ZNF33A: variants seen among roughly 807,000 people sequenced by gnomAD.
ZNF33A encodes the protein zinc finger protein 33A, also known as brain my041 protein.
A neutral mutation model predicts 15.9 loss-of-function variants in ZNF33A; 9 were observed. The ratio of observed to expected loss-of-function variants is 0.57; its 90% CI spans 0.34 to 0.99. The LOEUF (loss-of-function observed/expected upper bound fraction) is 0.99. ZNF33A is among the 50% of genes least tolerant of loss of function. The pLI, the probability that ZNF33A is intolerant of heterozygous loss-of-function variation, is 0.02. For synonymous variants in ZNF33A, 294 were observed against 324.2 expected (o/e 0.91, Z 1.00); for missense variants, 843 against 941.6 (o/e 0.90, Z 1.37).
At chr10:38,016,286 A>G (rs1412764875) in intron 2 of ZNF33A, among the ~76,000 whole-genome samples, 1 of 152,204 alleles carries the variant, frequency 6.6e-6, no homozygotes, top group African/African-American at 2.4e-5. Flanking sequence ...AAAATGGTAA[A>G]TGATCAAATA....
At chr10:38,035,275 G>A (rs1487373926) in intron 4 of ZNF33A, among the ~76,000 whole-genome samples, 2 of 151,840 alleles carry the variant, frequency 1.3e-5, no homozygotes, top group Non-Finnish European at 2.9e-5. Flanking sequence ...ATACCACAAT[G>A]CCCAGCCAAT....
At position 38,021,850 on chromosome 10, in the gene ZNF33A, T is replaced by C. The variant is rs570644326; in HGVS notation, c.250+4464T>C. On this transcript the variant is annotated intron_variant, in intron 4 of 4. Transcript: ENST00000432900. ...GTAATAGAGTGACAATAGGAAAATATCTAATCATTTAGAAATTAAACATCA... is the reference window on the plus strand; with the variant it reads ...GTAATAGAGTGACAATAGGAAAATACCTAATCATTTAGAAATTAAACATCA... 2.2e-3 allele frequency among the ~76,000 whole-genome samples: 342 copies of C among 152,282 alleles called. 1 individual carries two copies. Among genetic ancestry groups the C allele is most frequent in the African/African-American group, 7.9e-3 (329 of 41,540 alleles).
intron 4 of ZNF33A, among the ~76,000 whole-genome samples, chr10:38,028,342 A>G (rs866075592): frequency 7.2e-5 from 11 of 152,120 alleles, no homozygotes; most frequent in African/African-American, 2.7e-4. Context: ...GGTACATTCA[A>G]TCAATTATCA....
At chr10:38,030,990 A>G (rs1392932340) in intron 4 of ZNF33A, among the ~76,000 whole-genome samples, 2 of 152,188 alleles carry the variant, frequency 1.3e-5, no homozygotes, top group Non-Finnish European at 2.9e-5. Flanking sequence ...AGAGGGTGGG[A>G]GATGGCTGTA....
intron 4 of ZNF33A, among the ~76,000 whole-genome samples, chr10:38,034,613 T>C (rs2065358595): frequency 6.6e-6 from 1 of 152,232 alleles, no homozygotes; most frequent in Non-Finnish European, 1.5e-5. Flanking sequence ...GTTACATCTT[T>C]TTCCTATTTT....
In ZNF33A at chr10:38,018,730, G is replaced by A. The variant is rs182614884; in HGVS notation, c.250+1344G>A. On this transcript the variant is annotated intron_variant, in intron 4 of 4. Transcript: ENST00000432900. ...ATGTAGTTTGGTTCTCTCAGTATTTGGAAAGTGGGGCAATAACAAAAGAAC... is the reference window on the plus strand; with the variant it reads ...ATGTAGTTTGGTTCTCTCAGTATTTAGAAAGTGGGGCAATAACAAAAGAAC... 7.9e-5 allele frequency among the ~76,000 whole-genome samples: 12 copies of A among 152,208 alleles called. No homozygotes were observed. In the East Asian group the frequency reaches 2.1e-3, roughly 27 times the overall value.
At chr10:38,011,705 A>G (rs1387888891) in intron 1 of ZNF33A, among the ~76,000 whole-genome samples, 1 of 152,226 alleles carries the variant, frequency 6.6e-6, no homozygotes, top group Non-Finnish European at 1.5e-5. Context: ...AGACTAAGTC[A>G]CATCTCCTGA....
rs561926299 is a variant in ZNF33A, at chr10:38,015,563, C to T, written c.10-1308C>T. On this transcript the variant is annotated intron_variant, in intron 2 of 4. Coordinates refer to ENST00000432900, the MANE Select transcript of ZNF33A (RefSeq NM_006954.2). ...TCTTAACTCCTGAGCTCAGGTGATCCACCCACCTCAGCCTCCCAAAGTGCT... is the reference window on the plus strand; with the variant it reads ...TCTTAACTCCTGAGCTCAGGTGATCTACCCACCTCAGCCTCCCAAAGTGCT... Among the ~76,000 whole-genome samples the T allele has an allele frequency of 8.3e-4, 126 of 152,196 alleles. 1 individual carries two copies. Among genetic ancestry groups the T allele is most frequent in the Middle Eastern group, 3.4e-3 (1 of 294 alleles).
At chr10:38,048,839 TA>T (rs2066072036) in intron 4 of ZNF33A, among the ~76,000 whole-genome samples, 1 of 152,134 alleles carries the variant, frequency 6.6e-6, no homozygotes, top group Non-Finnish European at 1.5e-5. Flanking sequence ...AGCATCCTTT[TA>T]ATAATTGATA....
At chr10:38,053,427 T>C (rs145034771) in intron 4 of ZNF33A, among the ~76,000 whole-genome samples, 38 of 152,298 alleles carry the variant, frequency 2.5e-4, no homozygotes, top group Middle Eastern at 3.4e-3. Flanking sequence ...CTTCTTCTTA[T>C]AAGGACACCA....
At chr10:38,061,022 G>C (rs1405372311), downstream of ZNF33A, among the ~76,000 whole-genome samples, 2 of 152,096 alleles carry the variant, frequency 1.3e-5, no homozygotes, top group Non-Finnish European at 2.9e-5. Context: ...TACAGCACTT[G>C]ACAGTCACTG....
At chr10:38,028,184 C>G (rs1257640945) in intron 4 of ZNF33A, among the ~76,000 whole-genome samples, 1 of 151,962 alleles carries the variant, frequency 6.6e-6, no homozygotes, top group Non-Finnish European at 1.5e-5. Flanking sequence ...AGGAGGATCC[C>G]TTGAGCCCAG....
At chr10:38,011,222 C>G (rs1470947868) in intron 1 of ZNF33A, among the ~76,000 whole-genome samples, 1 of 152,220 alleles carries the variant, frequency 6.6e-6, no homozygotes, top group Non-Finnish European at 1.5e-5. Flanking sequence ...TCAGGTCCAT[C>G]ACTGCATCTT....
chr10:38,060,100 G>C, downstream of ZNF33A: 1 of 985,128 alleles, frequency 1.0e-6, no homozygotes, highest in African/African-American at 1.7e-5. Context: ...TCTTTTGTTA[G>C]TTGTATGTTT....
Position 38,055,494 on chromosome 10 carries a change from A to C in ZNF33A, c.1370A>C (p.Lys457Thr), listed in dbSNP as rs2066429141. The change falls in exon 5 of 5, where the codon AAA becomes ACA. Residue 457 changes from lysine to threonine, a missense_variant. By Grantham distance (78) the Lys-to-Thr change is moderately conservative (BLOSUM62 -1). Transcript: ENST00000432900. ...TCCTTCCGTGTGACTTCGCACCTTA[A>C]AGTACACCAGAGAACTCACACAGGT... ...GKSFRVTSHL[K>T]VHQRTHTGEK... The C allele has an allele frequency of 6.2e-7, 1 of 1,613,494 alleles. No individual in the cohort carries two copies. The highest frequency in any genetic ancestry group is 8.5e-7 in the Non-Finnish European group (1 of 1,179,876).
chr10:38,042,004 C>T (rs1193606095), intron 4 of ZNF33A, among the ~76,000 whole-genome samples: 1 of 152,076 alleles, frequency 6.6e-6, no homozygotes, highest in Non-Finnish European at 1.5e-5. Flanking sequence ...GTGTTGTTCC[C>T]CTCCCTGTGT....
chr10:38,022,884 C>T (rs1440117156), intron 4 of ZNF33A, among the ~76,000 whole-genome samples: 1 of 152,130 alleles, frequency 6.6e-6, no homozygotes, highest in Non-Finnish European at 1.5e-5. Context: ...TTCTACCAAA[C>T]ATTTACACAA....
intron 2 of ZNF33A, among the ~76,000 whole-genome samples, chr10:38,013,981 A>G (rs11593864): frequency 0.06 from 8,986 of 150,428 alleles, 344 homozygotes; most frequent in Middle Eastern, 0.096. Flanking sequence ...GCAGAGTTGA[A>G]TAGTTGTGAC....
chr10:38,060,080 A>G lies in ZNF33A; in HGVS notation c.*3520A>G, dbSNP rs2066636694. The G allele has an allele frequency of 6.1e-6, 6 of 985,408 alleles. No homozygotes were observed. Among genetic ancestry groups the G allele is most frequent in the Middle Eastern group, 5.2e-4 (1 of 1,914 alleles). 61.0% of individuals were successfully genotyped at this position (985,408 alleles called of 1,614,324 possible). A position where few individuals can be genotyped will look rare whatever the true frequency, so the allele number is the denominator to read the frequency against. On this transcript the variant is annotated 3_prime_UTR_variant, in exon 5 of 5. Coordinates refer to ENST00000432900, the MANE Select transcript of ZNF33A (RefSeq NM_006954.2). ...ACCCTGAGGAACATCTTGTTTCTGT[A>G]CTAAGGTGTTCTTTTGTTAGTTGTA...
Sources: gnomAD v4.1 joint callset for allele counts (sites outside exome capture counted in the v4.1 genomes callset) on GRCh38, gnomAD v4.1.1 for gene constraint, MANE v1.5 for transcripts, NCBI Gene and HGNC (gene_info 2026-07-23, HGNC 2026-07-21) for gene names.